The following TTF2 variants were observed in gnomAD, a reference collection of about 807,000 sequenced individuals.
The protein encoded by TTF2 is transcription termination factor 2.
Under a neutral mutation model 142.4 loss-of-function variants are expected in TTF2, and 108 were observed. The observed-to-expected ratio is 0.76, with a 90% CI of 0.65 to 0.89. The LOEUF (loss-of-function observed/expected upper bound fraction) is 0.89. Ranked by LOEUF, TTF2 falls within the 40% of genes least tolerant of loss-of-function variation. The probability of loss-of-function intolerance (pLI) is 0.00; values close to 1 mark genes in which losing one functional copy is unlikely to be tolerated. For missense variants in TTF2, 1,327 were observed against 1,379.8 expected (o/e 0.96, Z 0.61); for synonymous variants, 483 against 506.2 (o/e 0.95, Z 0.61).
intron 3 of TTF2, among the ~76,000 whole-genome samples, chr1:117,065,501 G>A (rs1049047976): frequency 6.6e-6 from 1 of 152,164 alleles, no homozygotes; most frequent in Admixed American, 6.5e-5. Flanking sequence ...AGGAGGCTGA[G>A]GCAGGAGAAT....
Position 117,085,988 on chromosome 1 carries a change from C to T in TTF2, c.2055-429C>T, listed in dbSNP as rs1647964398. On this transcript the variant is annotated intron_variant, in intron 11 of 22. Coordinates refer to ENST00000369466, the MANE Select transcript of TTF2 (RefSeq NM_003594.4). This position sits in a 1 kb window ranked among gnomAD's most constrained non-coding sequence, Gnocchi z 4.7. ...AGTGTTTTGAAGTTATCTTTCTCCC[C>T]TGGGACTTTGGTGTCATCCATCTCA... 6.6e-6 allele frequency among the ~76,000 whole-genome samples: 1 copy of T among 152,180 alleles called. No individual in the cohort carries two copies. Among genetic ancestry groups the T allele is most frequent in the South Asian group, 2.1e-4 (1 of 4,826 alleles).
chr1:117,062,522 T>TC (rs1655770601), intron 3 of TTF2, 49 bp downstream of exon 3: 18 of 1,472,222 alleles, frequency 1.2e-5, no homozygotes, highest in Non-Finnish European at 1.5e-5. Flanking sequence ...TTTTTTTTTT[T>TC]CTCCCTGAAA....
intron 3 of TTF2, among the ~76,000 whole-genome samples, chr1:117,071,609 C>T (rs1028327388): frequency 1.4e-5 from 2 of 145,528 alleles, no homozygotes; most frequent in Admixed American, 7.3e-5. Context: ...TGATTGAATA[C>T]TTTACCTATT....
chr1:117,096,223 C>A lies in TTF2; in HGVS notation c.3110C>A (p.Ala1037Asp), dbSNP rs769970818. The A allele has an allele frequency of 5.0e-5, 81 of 1,614,012 alleles. No homozygotes were observed. The highest frequency in any genetic ancestry group is 6.6e-5 in the Non-Finnish European group (78 of 1,180,028). The change falls in exon 20 of 23, where the codon GCC becomes GAC. Residue 1037 changes from alanine to aspartate, a missense_variant. Coordinates refer to ENST00000369466, the MANE Select transcript of TTF2 (RefSeq NM_003594.4). ...LHLKKHGLTY[A>D]TIDGSVNPKQ... ...CTGAAGAAGCATGGACTGACTTATG[C>A]CACCATCGATGGCTCTGTCAATCCC...
Position 117,102,610 on chromosome 1 carries a change from TATA to T in TTF2, c.*1090_*1092del, listed in dbSNP as rs1401450624. 1 of 152,218 alleles carries T rather than the reference TATA, an allele frequency of 6.6e-6. No individual in the cohort carries two copies. The highest frequency in any genetic ancestry group is 1.5e-5 in the Non-Finnish European group (1 of 68,036). 9.4% of individuals were successfully genotyped at this position (152,218 alleles called of 1,614,324 possible). On this transcript the variant is annotated 3_prime_UTR_variant, in exon 23 of 23. Coordinates refer to ENST00000369466, the MANE Select transcript of TTF2 (RefSeq NM_003594.4). ...ATAACATTTCTATTTGTAGTATTTG[TATA>T]ATATTTGTGTCATTTTTAATAGTAT...
rs1035591469 is a variant in TTF2 at position 117,073,849 on chromosome 1, T to C, written c.285+122T>C. 7 of 846,066 alleles carry C rather than the reference T, an allele frequency of 8.3e-6. No homozygotes were observed. The African/African-American group carries it at 1.2e-4, about 14-fold the overall frequency. 52.4% of individuals were successfully genotyped at this position (846,066 alleles called of 1,614,324 possible). A position where few individuals can be genotyped will look rare whatever the true frequency, so the allele number is the denominator to read the frequency against. On this transcript the variant is annotated intron_variant, in intron 4 of 22. Transcript: ENST00000369466. This position sits in a 1 kb window ranked among gnomAD's most constrained non-coding sequence, Gnocchi z 4.4. ...TCTTCATCAGACTGTCTCCGAAAGATAGTTTTCTTTAAGCAAGGTAGGCCC... is the reference window on the plus strand; with the variant it reads ...TCTTCATCAGACTGTCTCCGAAAGACAGTTTTCTTTAAGCAAGGTAGGCCC...
rs1649517540 is a variant in TTF2 at position 117,100,660 on chromosome 1, TCTC to T, written c.3345-716_3345-714del. On this transcript the variant is annotated intron_variant, in intron 22 of 22. Coordinates refer to ENST00000369466, the MANE Select transcript of TTF2 (RefSeq NM_003594.4). This position sits in a 1 kb window ranked among gnomAD's most constrained non-coding sequence, Gnocchi z 4.6. ...CACGTGTTCCCATTCCCTGGGGTGC[TCTC>T]CTCACTGCTCTTTCTGGCAAACCCT... Among the ~76,000 whole-genome samples the T allele has an allele frequency of 6.6e-6, 1 of 152,164 alleles. No individual in the cohort carries two copies. Among genetic ancestry groups the T allele is most frequent in the Non-Finnish European group, 1.5e-5 (1 of 68,036 alleles).
chr1:117,102,908 C>G lies in TTF2; in HGVS notation c.*1384C>G, dbSNP rs1649698836. ...TTCACCAAACCCACTTCCTTTTCCT[C>G]CCGGGCACCCAGAGAGACTGTATTT... On this transcript the variant is annotated 3_prime_UTR_variant, in exon 23 of 23. Transcript: ENST00000369466. 1 of 152,224 alleles carries G rather than the reference C, an allele frequency of 6.6e-6. No individual in the cohort carries two copies. Among genetic ancestry groups the G allele is most frequent in the South Asian group, 2.1e-4 (1 of 4,836 alleles). 9.4% of individuals were successfully genotyped at this position (152,224 alleles called of 1,614,324 possible).
chr1:117,082,058 C>A, intron 10 of TTF2, 111 bp downstream of exon 10: 1 of 1,489,690 alleles, frequency 6.7e-7, no homozygotes, highest in Non-Finnish European at 9.3e-7. Context: ...AATTACTCTA[C>A]TGGAAAACCA....
At chr1:117,072,122 C>T (rs1177387290) in intron 3 of TTF2, among the ~76,000 whole-genome samples, 1 of 152,128 alleles carries the variant, frequency 6.6e-6, no homozygotes, top group Non-Finnish European at 1.5e-5. Flanking sequence ...GGCAGTGGAA[C>T]AGCTTAGACA....
At position 117,091,868 on chromosome 1, in the gene TTF2, C is replaced by A. The variant is rs1295900492; in HGVS notation, c.2723C>A (p.Ser908Ter). The A allele has an allele frequency of 6.2e-7, 1 of 1,613,598 alleles. No individual in the cohort carries two copies. The highest frequency in any genetic ancestry group is 8.5e-7 in the Non-Finnish European group (1 of 1,179,964). ...CCTAGACACTCGGAGGCAGCAGACT[C>A]ACCGAGATCCAGCACCGTCCACATA... The part of the protein sequence containing the change: ...EEPRHSEAAD[S>*]PRSSTVHILS... Residue 908 changes from serine to a stop codon, truncating the protein, a stop_gained, in exon 17 of 23, where the codon TCA becomes TAA. Coordinates refer to ENST00000369466, the MANE Select transcript of TTF2 (RefSeq NM_003594.4). LOFTEE classifies it high-confidence loss of function.
At chr1:117,091,630 G>T (rs1347771488) in intron 16 of TTF2, among the ~76,000 whole-genome samples, 187 bp from the exon 17 acceptor site, 2 of 152,114 alleles carry the variant, frequency 1.3e-5, no homozygotes, top group Non-Finnish European at 2.9e-5. Flanking sequence ...TAAAATGCAG[G>T]TAGTTCTATA....
intron 3 of TTF2, among the ~76,000 whole-genome samples, chr1:117,066,520 G>A (rs147532218): frequency 3.2e-4 from 48 of 152,214 alleles, no homozygotes; most frequent in Middle Eastern, 3.4e-3. Context: ...GAGAGAGAAC[G>A]TGTGTGATGG....
In TTF2 at chr1:117,091,926, C is replaced by T. The variant is rs772908086; in HGVS notation, c.2781C>T (p.Cys927=). 6 of 1,612,642 alleles carry T rather than the reference C, an allele frequency of 3.7e-6. No homozygotes were observed. Among genetic ancestry groups the T allele is most frequent in the Non-Finnish European group, 4.2e-6 (5 of 1,179,670 alleles). Reference sequence around the variant, plus strand: ...AGTTGCTGAGACTCCGCCAGTGTTGCTGTCATCTTTCTTTACTGAAGTCGG... The same window carrying T: ...AGTTGCTGAGACTCCGCCAGTGTTGTTGTCATCTTTCTTTACTGAAGTCGG... ...LSQLLRLRQC[C]CHLSLLKSAL... The change falls in exon 17 of 23, where the codon TGC becomes TGT. Residue 927 remains cysteine, a synonymous_variant. Coordinates refer to ENST00000369466, the MANE Select transcript of TTF2 (RefSeq NM_003594.4).
chr1:117,094,735 C>G (rs771701963), intron 18 of TTF2: 1 of 437,692 alleles, frequency 2.3e-6, no homozygotes, highest in East Asian at 6.8e-5. Flanking sequence ...TAATATTTGC[C>G]TCCTTGGAGT....
rs775235346 is a variant in TTF2 at position 117,091,372 on chromosome 1, AC to A, written c.2635del (p.Gln879AsnfsTer43). On this transcript the variant is annotated frameshift_variant, in exon 16 of 23. Coordinates refer to ENST00000369466, the MANE Select transcript of TTF2 (RefSeq NM_003594.4). LOFTEE classifies it high-confidence loss of function. Reference sequence around the variant, plus strand: ...CTAAAAAGACATGAAAGTAGAGGCAACCAATCTGGAAGAAGCCCTAATAATC... The same window carrying A: ...CTAAAAAGACATGAAAGTAGAGGCAACAATCTGGAAGAAGCCCTAATAATC... ...SYLKRHESRG[N>X]QSGRSPNNPF... The A allele has an allele frequency of 2.5e-6, 4 of 1,613,476 alleles. No homozygotes were observed. The highest frequency in any genetic ancestry group is 3.3e-5 in the Admixed American group (2 of 59,844).
Position 117,060,531 on chromosome 1 carries a change from C to G in TTF2, c.105C>G (p.Asp35Glu), listed in dbSNP as rs1482752895. ...KGKSFYVCRA[D>E]TCSFVRATDI... ...AGAGCTTCTACGTGTGCCGGGCAGA[C>G]ACGTGCAGCTTCGTGCGGGCCACCG... The change falls in exon 2 of 23, where the codon GAC becomes GAG. Residue 35 changes from aspartate (D) to glutamate (E), a missense_variant. Physicochemically the swap from Asp to Glu is conservative, Grantham distance 45. Transcript: ENST00000369466. The G allele has an allele frequency of 1.9e-6, 3 of 1,613,464 alleles. No individual in the cohort carries two copies. In the African/African-American group the frequency reaches 4.0e-5, roughly 22 times the overall value.
chr1:117,095,426 T>A, intron 19 of TTF2, 59 bp downstream of exon 19: 1 of 1,508,812 alleles, frequency 6.6e-7, no homozygotes, highest in Non-Finnish European at 9.2e-7. Context: ...AAATTTGATA[T>A]TGCCAAGAGT....
Position 117,074,914 on chromosome 1 carries a change from T to C in TTF2, c.330T>C (p.His110=), listed in dbSNP as rs759252557. 1.2e-6 allele frequency: 2 copies of C among 1,611,212 alleles called. No individual in the cohort carries two copies. Among genetic ancestry groups the C allele is most frequent in the Non-Finnish European group, 1.7e-6 (2 of 1,179,410 alleles). Residue 110 remains histidine (H), a synonymous_variant, in exon 5 of 23, where the codon CAT becomes CAC. Coordinates refer to ENST00000369466, the MANE Select transcript of TTF2 (RefSeq NM_003594.4). ...KEHSVSNKSQ[H]ASETFHHSSN... Reference sequence around the variant, plus strand: ...ATTCTGTATCCAATAAGTCTCAGCATGCATCTGAGACATTTCATCATTCTT... The same window carrying C: ...ATTCTGTATCCAATAAGTCTCAGCACGCATCTGAGACATTTCATCATTCTT...
Sources: allele counts gnomAD v4.1 joint callset (sites outside exome capture counted in the v4.1 genomes callset), GRCh38; gene constraint gnomAD v4.1.1; non-coding constraint Gnocchi (gnomAD v3.1); transcripts MANE v1.5; gene names NCBI Gene and HGNC (gene_info 2026-07-23, HGNC 2026-07-21).